FNDC3A: variants seen among roughly 807,000 people sequenced by gnomAD.
FNDC3A encodes fibronectin type III domain containing 3A, also known as fibronectin type-III domain-containing protein 3A.
A neutral mutation model predicts 148.9 loss-of-function variants in FNDC3A; 32 were observed. The observed-to-expected ratio is 0.21, with a 90% confidence interval of 0.16 to 0.29. The LOEUF (loss-of-function observed/expected upper bound fraction) is 0.29. Ranked by LOEUF, FNDC3A falls within the 10% of genes least tolerant of loss-of-function variation. FNDC3A has a pLI of 1.00. For missense variants in FNDC3A, 1,191 were observed against 1,452.8 expected, an observed-to-expected ratio of 0.82 and a Z score of 2.93; for synonymous variants, 472 against 473.6, an observed-to-expected ratio of 1.00 and a Z score of 0.04.
At chr13:49,084,914 C>T (rs762985398) in intron 3 of FNDC3A, among the ~76,000 whole-genome samples, 1 of 152,058 alleles carries the variant, frequency 6.6e-6, no homozygotes, top group Non-Finnish European at 1.5e-5. Context: ...GTAACCAGCC[C>T]CGGTGCTTCT....
In FNDC3A at chr13:49,042,225, C is replaced by T. The variant is rs1874993035; in HGVS notation, c.100-33064C>T. ...AAAGCCATCTACTTGCATCAAATCT[C>T]CAAGATTTGAGTATGTCCTTGGGAC... On this transcript the variant is annotated intron_variant, in intron 2 of 25. Coordinates refer to ENST00000492622, the MANE Select transcript of FNDC3A (RefSeq NM_001079673.2). Among the ~76,000 whole-genome samples the T allele has an allele frequency of 2.0e-5, 3 of 152,190 alleles. No individual in the cohort carries two copies. The South Asian group carries it at 6.2e-4, about 32-fold the overall frequency.
At chr13:49,027,150 A>G (rs1873773667) in intron 2 of FNDC3A, among the ~76,000 whole-genome samples, 1 of 152,200 alleles carries the variant, frequency 6.6e-6, no homozygotes, top group South Asian at 2.1e-4. Context: ...GCCAGTTGAC[A>G]CACTGAGTGG....
At chr13:49,105,056 C>T (rs573081544) in intron 3 of FNDC3A, among the ~76,000 whole-genome samples, 1 of 151,978 alleles carries the variant, frequency 6.6e-6, no homozygotes, top group Non-Finnish European at 1.5e-5. Context: ...AATTAGTATC[C>T]AGAATACATA....
chr13:49,001,771 C>A (rs1952129571), intron 1 of FNDC3A, among the ~76,000 whole-genome samples: 1 of 152,144 alleles, frequency 6.6e-6, no homozygotes, highest in Non-Finnish European at 1.5e-5. Flanking sequence ...AACCCTGTCT[C>A]CTGATAAGAT....
chr13:49,101,800 T>G (rs530603590), intron 3 of FNDC3A, among the ~76,000 whole-genome samples: 225 of 151,250 alleles, frequency 1.5e-3, no homozygotes, highest in African/African-American at 4.9e-3. Flanking sequence ...TTTAGTTTTT[T>G]TTTTTTTTTT....
At chr13:49,182,181 A>G (rs1284982409) in intron 14 of FNDC3A, among the ~76,000 whole-genome samples, 1 of 151,780 alleles carries the variant, frequency 6.6e-6, no homozygotes, top group African/African-American at 2.4e-5. Flanking sequence ...TTGTGGAGAT[A>G]GTTTTGTATG....
chr13:49,089,873 C>CT (rs1224907588), intron 3 of FNDC3A, among the ~76,000 whole-genome samples: 1 of 152,128 alleles, frequency 6.6e-6, no homozygotes, highest in African/African-American at 2.4e-5. Flanking sequence ...CAATAAAAAA[C>CT]TAAGACAAAT....
At chr13:49,088,141 C>T (rs1405424988) in intron 3 of FNDC3A, among the ~76,000 whole-genome samples, 1 of 152,114 alleles carries the variant, frequency 6.6e-6, no homozygotes, top group South Asian at 2.1e-4. Context: ...CATTTTTAAC[C>T]TTTTATATAT....
chr13:49,045,472 A>T (rs1290568999), intron 2 of FNDC3A: 3 of 197,754 alleles, frequency 1.5e-5, no homozygotes, highest in African/African-American at 7.1e-5. Context: ...ACTTTCATTA[A>T]AAAAAAATCC....
intron 2 of FNDC3A, among the ~76,000 whole-genome samples, chr13:49,049,122 G>A (rs112229676): frequency 6.6e-6 from 1 of 152,188 alleles, no homozygotes; most frequent in African/African-American, 2.4e-5. Flanking sequence ...ATTGACTTAT[G>A]TATGTTAAGC....
Position 48,978,658 on chromosome 13 carries a change from T to C in FNDC3A, c.-40+2481T>C, listed in dbSNP as rs1951644444. On this transcript the variant is annotated intron_variant, in intron 1 of 25. Coordinates refer to ENST00000492622, the MANE Select transcript of FNDC3A (RefSeq NM_001079673.2). ...ATTAGTGTTTCTGGTTTTTTTTTGT[T>C]TGCTTTTGTTTTTTTTGTTTTGTTT... 2.0e-5 allele frequency among the ~76,000 whole-genome samples: 3 copies of C among 152,114 alleles called. No individual in the cohort carries two copies. The South Asian group carries it at 6.2e-4, about 32-fold the overall frequency.
At chr13:49,065,688 A>C (rs1046452509) in intron 2 of FNDC3A, among the ~76,000 whole-genome samples, 1 of 152,224 alleles carries the variant, frequency 6.6e-6, no homozygotes, top group African/African-American at 2.4e-5. Flanking sequence ...AAAGATAAAC[A>C]TAATGGTTTT....
At position 49,207,507 on chromosome 13, in the gene FNDC3A, T is replaced by C. The variant is rs1886707480; in HGVS notation, c.*112T>C. 1 of 683,374 alleles carries C rather than the reference T, an allele frequency of 1.5e-6. No homozygotes were observed. The allele number at this position is 683,374 out of a possible 1,614,324, so 42.3% of individuals were successfully genotyped here. A position where few individuals can be genotyped will look rare whatever the true frequency, so the allele number is the denominator to read the frequency against. ...GCATTTAGCACTGGCATTGAGACTATAGCACATCATTTTTGCCATTTTCAG... is the reference window on the plus strand; with the variant it reads ...GCATTTAGCACTGGCATTGAGACTACAGCACATCATTTTTGCCATTTTCAG... On this transcript the variant is annotated 3_prime_UTR_variant, in exon 26 of 26. Transcript: ENST00000492622.
chr13:49,174,415 TAATC>T lies in FNDC3A; in HGVS notation c.1231-18_1231-15del. 1 of 1,599,028 alleles carries T rather than the reference TAATC, an allele frequency of 6.3e-7. No homozygotes were observed. On this transcript the variant is annotated splice_polypyrimidine_tract_variant and intron_variant, in intron 11 of 25. Transcript: ENST00000492622. The stretch of plus-strand genomic sequence containing the variant: ...TTACAGTAATGTACATGGTATATAA[TAATC>T]AGCCATTTCTTGTAGGGAAAAGGAA...
At position 49,006,108 on chromosome 13, in the gene FNDC3A, T is replaced by C. The variant is rs373368882; in HGVS notation, c.-39-44T>C. The stretch of plus-strand genomic sequence containing the variant: ...TTGAATGTACAATGTTTTACTGTAT[T>C]TTAAGGATATACTTACAAATGACTA... On this transcript the variant is annotated intron_variant, in intron 1 of 25. Transcript: ENST00000492622. 1.5e-5 allele frequency: 10 copies of C among 689,430 alleles called. No individual in the cohort carries two copies. In the African/African-American group the frequency reaches 1.8e-4, roughly 13 times the overall value. 42.7% of individuals were successfully genotyped at this position (689,430 alleles called of 1,614,324 possible). A position where few individuals can be genotyped will look rare whatever the true frequency, so the allele number is the denominator to read the frequency against.
At position 49,187,317 on chromosome 13, in the gene FNDC3A, G is replaced by GT. The variant is rs1299635004; in HGVS notation, c.1825+129dup. ...TTCATAAGGTACACCATAAAAAGAT[G>GT]TTCACTTCACTTTGGGTTGTCCTGG... is the stretch of plus-strand genomic sequence containing the variant. On this transcript the variant is annotated intron_variant, in intron 16 of 25. Transcript: ENST00000492622. 8 of 876,390 alleles carry GT rather than the reference G, an allele frequency of 9.1e-6. No individual in the cohort carries two copies. The East Asian group carries it at 2.1e-4, about 23-fold the overall frequency. The allele number at this position is 876,390 out of a possible 1,614,324, so 54.3% of individuals were successfully genotyped here. A position where few individuals can be genotyped will look rare whatever the true frequency, so the allele number is the denominator to read the frequency against.
rs79652906 is a variant in FNDC3A, at chr13:49,138,145, A to G, written c.761-602A>G. On this transcript the variant is annotated intron_variant, in intron 6 of 25. Transcript: ENST00000492622. ...TACCTTCCTTTTCCTTAAAATTTCCATGCCTCACTAACAAATTTCAAATAA... is the reference window on the plus strand; with the variant it reads ...TACCTTCCTTTTCCTTAAAATTTCCGTGCCTCACTAACAAATTTCAAATAA... Among the ~76,000 whole-genome samples, 160 of 152,308 alleles carry G rather than the reference A, an allele frequency of 1.1e-3. 1 individual carries two copies. The highest frequency in any genetic ancestry group is 3.6e-3 in the African/African-American group (149 of 41,582).
At chr13:49,160,651 T>C (rs902181587) in intron 8 of FNDC3A, among the ~76,000 whole-genome samples, 32 of 151,930 alleles carry the variant, frequency 2.1e-4, no homozygotes, top group African/African-American at 7.2e-4. Context: ...TTATTTCTTG[T>C]TTTCTGCTAG....
In FNDC3A at chr13:49,114,638, T is replaced by A; in HGVS notation, c.176-17T>A. ...AAGCAATCATGGGTTAATACATCAT[T>A]TATGTGACCCATTCAGGTCCTGCTC... On this transcript the variant is annotated splice_polypyrimidine_tract_variant and intron_variant, in intron 3 of 25. Transcript: ENST00000492622. 6.3e-7 allele frequency: 1 copy of A among 1,585,162 alleles called. No individual in the cohort carries two copies. The highest frequency in any genetic ancestry group is 8.7e-7 in the Non-Finnish European group (1 of 1,153,676).
Sources: gnomAD v4.1 joint callset for allele counts (sites outside exome capture counted in the v4.1 genomes callset) on GRCh38, gnomAD v4.1.1 for gene constraint, MANE v1.5 for transcripts, NCBI Gene and HGNC (gene_info 2026-07-23, HGNC 2026-07-21) for gene names.